Variants in CCNG1 observed in about 807,000 individuals in gnomAD.
CCNG1 encodes the protein cyclin-G1.
In CCNG1, 13 loss-of-function variants were observed where a neutral mutation model predicts 30.0. That is an observed-to-expected ratio of 0.43 (90% CI 0.28 to 0.69). The LOEUF (loss-of-function observed/expected upper bound fraction) is 0.69, where lower values mean the gene tolerates loss of function less well. CCNG1 is among the 30% of genes least tolerant of loss of function. The probability of loss-of-function intolerance (pLI) is 0.16; values close to 1 mark genes in which losing one functional copy is unlikely to be tolerated. For missense variants in CCNG1, 285 were observed against 331.4 expected (o/e 0.86, Z 1.09); for synonymous variants, 110 against 121.5 (o/e 0.91, Z 0.62).
the CCNG1 span, chr5:163,457,474 G>A: frequency 9.8e-6 from 8 of 818,602 alleles, no homozygotes; most frequent in African/African-American, 5.2e-5. Flanking sequence ...TTTCAAAGCT[G>A]CAAAGACAAA....
the CCNG1 span, chr5:163,457,429 T>A: frequency 3.2e-5 from 21 of 646,486 alleles, no homozygotes; most frequent in African/African-American, 3.7e-4. Flanking sequence ...AACTTTGACA[T>A]ACAACGGTTT....
intron 1 of CCNG1, among the ~76,000 whole-genome samples, chr5:163,438,509 A>G (rs1342230949): frequency 6.6e-6 from 1 of 152,170 alleles, no homozygotes; most frequent in African/African-American, 2.4e-5. Context: ...TTAACTCACA[A>G]ATCTGTGAGG....
downstream of CCNG1, chr5:163,449,138 C>T (rs1466394358): frequency 2.0e-5 from 3 of 151,698 alleles, no homozygotes; most frequent in Admixed American, 1.3e-4. Context: ...TGTTCCTATT[C>T]GTAGTTTATG....
the CCNG1 span, chr5:163,452,345 G>C: frequency 5.3e-5 from 8 of 152,238 alleles, no homozygotes; most frequent in South Asian, 1.7e-3. Context: ...GGGTTAGGTC[G>C]AGGACAGCAT....
At chr5:163,449,365 A>C (rs1758120011), downstream of CCNG1, 1 of 152,238 alleles carries the variant, frequency 6.6e-6, no homozygotes, top group Non-Finnish European at 1.5e-5. Context: ...GTGCAATTGG[A>C]AACCCATGTT....
rs755997640 is a variant in CCNG1 at position 163,442,491 on chromosome 5, C to T, written c.814C>T (p.Arg272Cys). The change falls in exon 6 of 7, where the codon CGT (arginine) becomes TGT (cysteine). Residue 272 changes from arginine (R) to cysteine (C), a missense_variant. Coordinates refer to ENST00000340828, the MANE Select transcript of CCNG1 (RefSeq NM_004060.4). ...VQKLKWIVSG[R>C]TARQLKHSYY... is the part of the protein sequence containing the mutation. ...GAAGTTGAAATGGATTGTTTCTGGG[C>T]GTACTGCACGGCAATTGAAGCATAG... The T allele has an allele frequency of 1.9e-6, 3 of 1,613,756 alleles. No homozygotes were observed. Among genetic ancestry groups the T allele is most frequent in the Non-Finnish European group, 8.5e-7 (1 of 1,179,840 alleles).
At position 163,443,689 on chromosome 5, in the gene CCNG1, A is replaced by C; in HGVS notation, c.*19A>C. ...ATTTAAATAGGATTATTACAGCACC[A>C]AAAAACTTCTCTGAAGCCTTTCTCC... On this transcript the variant is annotated 3_prime_UTR_variant, in exon 7 of 7. Transcript: ENST00000340828. 6.5e-7 allele frequency: 1 copy of C among 1,527,924 alleles called. No homozygotes were observed. The highest frequency in any genetic ancestry group is 8.8e-7 in the Non-Finnish European group (1 of 1,140,064). 94.6% of individuals were successfully genotyped at this position (1,527,924 alleles called of 1,614,324 possible). A position where few individuals can be genotyped will look rare whatever the true frequency, so the allele number is the denominator to read the frequency against.
At chr5:163,441,460 A>G (rs1418284756) in intron 3 of CCNG1, 129 bp downstream of exon 3, 7 of 810,528 alleles carry the variant, frequency 8.6e-6, no homozygotes, top group Non-Finnish European at 1.3e-5. Context: ...GGCTCCTTGA[A>G]CTTTAATGTC....
At chr5:163,454,077 GA>G in the CCNG1 span, 1 of 1,230,124 alleles carries the variant, frequency 8.1e-7, no homozygotes, top group Non-Finnish European at 1.1e-6. Context: ...TATATATAAT[GA>G]AATAAAACTT....
chr5:163,450,264 AAAAG>A (rs1209009010), downstream of CCNG1: 1 of 152,184 alleles, frequency 6.6e-6, no homozygotes, highest in Non-Finnish European at 1.5e-5. Context: ...GTGAGTCAAA[AAAAG>A]AAAAAAGAAA....
intron 5 of CCNG1, 52 bp downstream of exon 5, chr5:163,442,195 A>C (rs1289325315): frequency 8.0e-7 from 1 of 1,256,330 alleles, no homozygotes; most frequent in Admixed American, 2.1e-5. Flanking sequence ...AAGAAACTAA[A>C]CCCCTTCTAT....
At chr5:163,450,067 A>G (rs10053701), downstream of CCNG1, 13,213 of 152,044 alleles carry the variant, frequency 0.087, 762 homozygotes, top group African/African-American at 0.18. Flanking sequence ...CCTAGCCTAT[A>G]TGGTGAAATC....
chr5:163,453,399 A>C, the CCNG1 span: 1 of 152,306 alleles, frequency 6.6e-6, no homozygotes, highest in African/African-American at 2.4e-5. Context: ...TAGGGTTTTA[A>C]CTATTTTTAA....
At position 163,442,367 on chromosome 5, in the gene CCNG1, T is replaced by C. The variant is rs772280729; in HGVS notation, c.697-7T>C. 1.3e-6 allele frequency: 2 copies of C among 1,597,182 alleles called. No individual in the cohort carries two copies. Among genetic ancestry groups the C allele is most frequent in the African/African-American group, 1.4e-5 (1 of 73,898 alleles). On this transcript the variant is annotated splice_polypyrimidine_tract_variant and splice_region_variant and intron_variant, in intron 5 of 6. Coordinates refer to ENST00000340828, the MANE Select transcript of CCNG1 (RefSeq NM_004060.4). ...GTAATAATTTTTTAAAATTTATGTA[T>C]GTACAGATAAATGGCAGAGATCTGA...
At position 163,439,575 on chromosome 5, in the gene CCNG1, T is replaced by G. The variant is rs1479117564; in HGVS notation, c.264+55T>G. 24 of 1,497,990 alleles carry G rather than the reference T, an allele frequency of 1.6e-5. No homozygotes were observed. In the Admixed American group the frequency reaches 3.7e-4, roughly 23 times the overall value. The allele number at this position is 1,497,990 out of a possible 1,614,324, so 92.8% of individuals were successfully genotyped here. A position where few individuals can be genotyped will look rare whatever the true frequency, so the allele number is the denominator to read the frequency against. ...TGCTCAGTGTGTTTTGGAGATGGAA[T>G]TGTTACCTTTTGGCTGGTATTCATA... On this transcript the variant is annotated intron_variant, in intron 2 of 6. Coordinates refer to ENST00000340828, the MANE Select transcript of CCNG1 (RefSeq NM_004060.4).
At chr5:163,456,780 A>C in the CCNG1 span, 3 of 619,276 alleles carry the variant, frequency 4.8e-6, no homozygotes, top group Non-Finnish European at 7.7e-6. Context: ...CCATACAAGA[A>C]AGGCCATTTT....
chr5:163,439,609 C>CTGT, intron 2 of CCNG1, 89 bp downstream of exon 2: 7 of 1,051,950 alleles, frequency 6.7e-6, no homozygotes, highest in East Asian at 2.8e-5. Context: ...TAAACTTGAC[C>CTGT]TTTTTTTTTT....
chr5:163,453,334 A>C, the CCNG1 span: 2 of 152,102 alleles, frequency 1.3e-5, no homozygotes, highest in Non-Finnish European at 1.5e-5. Flanking sequence ...GCCACAAAGG[A>C]CTCACCTAAT....
downstream of CCNG1, chr5:163,450,101 TA>T (rs1237686047): frequency 1.2e-4 from 18 of 147,182 alleles, no homozygotes; most frequent in Admixed American, 1.0e-3. Context: ...AAATAAAAAA[TA>T]AAAAAAAAAT....
Sources: gnomAD v4.1 joint callset for allele counts (sites outside exome capture counted in the v4.1 genomes callset) on GRCh38, gnomAD v4.1.1 for gene constraint, MANE v1.5 for transcripts, NCBI Gene and HGNC (gene_info 2026-07-23, HGNC 2026-07-21) for gene names.